Variants in NR4A1 observed in about 807,000 individuals in gnomAD.
NR4A1 encodes nuclear receptor subfamily 4immunitygroup A member 1.
NR4A1 carries 24 observed loss-of-function variants against 47.5 expected under a neutral mutation model. That is an observed-to-expected ratio of 0.50 (90% CI 0.37 to 0.71). NR4A1 has a LOEUF of 0.71. NR4A1 is among the 30% of genes least tolerant of loss of function. The probability of loss-of-function intolerance (pLI) is 0.00; values close to 1 mark genes in which losing one functional copy is unlikely to be tolerated. For synonymous variants in NR4A1, 353 were observed against 345.7 expected (o/e 1.02, Z -0.24); for missense variants, 669 against 788.6 (o/e 0.85, Z 1.82).
chr12:52,036,357 T>A (rs1938235858), intron 1 of NR4A1, among the ~76,000 whole-genome samples: 1 of 152,048 alleles, frequency 6.6e-6, no homozygotes, highest in Non-Finnish European at 1.5e-5. Flanking sequence ...GTCACGGTGG[T>A]GGGCCTCTGA....
chr12:52,036,506 C>T (rs7139320), intron 1 of NR4A1, among the ~76,000 whole-genome samples: 21,650 of 152,214 alleles, frequency 0.14, 1,978 homozygotes, highest in African/African-American at 0.26. Flanking sequence ...GTTTTAGAGA[C>T]GAGGAAGCTG....
upstream of NR4A1, among the ~76,000 whole-genome samples, chr12:52,046,725 T>G (rs1938658612): frequency 1.3e-5 from 2 of 152,240 alleles, no homozygotes; most frequent in East Asian, 3.8e-4. Flanking sequence ...GACTCACGCC[T>G]GTAATCCCAG....
chr12:52,054,811 C>A lies in NR4A1; in HGVS notation c.483C>A (p.Phe161Leu), dbSNP rs775895244. Residue 161 changes from phenylalanine (F) to leucine (L), a missense_variant, in exon 2 of 7, where the codon TTC becomes TTA. Phe to Leu is a conservative substitution (Grantham distance 22). Coordinates refer to ENST00000394825, the MANE Select transcript of NR4A1 (RefSeq NM_173157.3). ...CCTGGGATGGCTCCTTCGGCCACTT[C>A]TCGCCCAGCCAGACTTACGAAGGCC... ...LSPWDGSFGH[F>L]SPSQTYEGLR... 1 of 1,613,504 alleles carries A rather than the reference C, an allele frequency of 6.2e-7. No homozygotes were observed. The highest frequency in any genetic ancestry group is 8.5e-7 in the Non-Finnish European group (1 of 1,179,972).
intron 1 of NR4A1, among the ~76,000 whole-genome samples, chr12:52,034,378 T>C (rs2120934634): frequency 6.6e-6 from 1 of 152,322 alleles, no homozygotes; most frequent in African/African-American, 2.4e-5. Flanking sequence ...CAGCTTTCTG[T>C]GTAGGAGCTT....
intron 1 of NR4A1, 55 bp from the exon 2 acceptor site, chr12:52,054,272 A>G: frequency 1.4e-6 from 2 of 1,463,634 alleles, no homozygotes; most frequent in East Asian, 2.3e-5. Context: ...AGACAAGGCT[A>G]TAGGCTTGTC....
intron 6 of NR4A1, chr12:52,058,485 C>T (rs767729376): frequency 1.5e-6 from 1 of 654,052 alleles, no homozygotes; most frequent in Non-Finnish European, 2.5e-6. Flanking sequence ...CGGGTTCTCA[C>T]TTGGAGTATG....
At chr12:52,048,487 G>C (rs1285427702), upstream of NR4A1, among the ~76,000 whole-genome samples, 2 of 151,148 alleles carry the variant, frequency 1.3e-5, no homozygotes, top group Non-Finnish European at 3.0e-5. Context: ...CCAGTGACTC[G>C]GGAGGCTGAG....
intron 1 of NR4A1, among the ~76,000 whole-genome samples, chr12:52,025,799 T>C (rs1592278852): frequency 6.6e-6 from 1 of 152,166 alleles, no homozygotes; most frequent in African/African-American, 2.4e-5. Flanking sequence ...CCTTCCTCCC[T>C]TATAAGAGGT....
chr12:52,056,740 A>G, intron 4 of NR4A1, 95 bp downstream of exon 4: 1 of 1,264,502 alleles, frequency 7.9e-7, no homozygotes, highest in Non-Finnish European at 1.1e-6. Flanking sequence ...GGAAGGACTG[A>G]ATGAGAAAGG....
Position 52,055,210 on chromosome 12 carries a change from G to A in NR4A1, c.876+6G>A, listed in dbSNP as rs758917672. 91 of 1,610,900 alleles carry A rather than the reference G, an allele frequency of 5.6e-5. No homozygotes were observed. The highest frequency in any genetic ancestry group is 7.0e-5 in the Non-Finnish European group (83 of 1,179,996). ...GCTGCAAGGGCTTCTTCAAGGTACC[G>A]CGCAGCCCCAGGTGGGGCCTTTTGT... On this transcript the variant is annotated splice_donor_region_variant and intron_variant, in intron 2 of 6. Transcript: ENST00000394825.
upstream of NR4A1, among the ~76,000 whole-genome samples, chr12:52,047,920 C>T (rs556161702): frequency 7.9e-5 from 12 of 152,276 alleles, no homozygotes; most frequent in South Asian, 2.5e-3. Flanking sequence ...TTTGGGAGGC[C>T]AAGGCGGGTG....
chr12:52,032,787 A>G (rs567859562), intron 1 of NR4A1, among the ~76,000 whole-genome samples: 1 of 152,314 alleles, frequency 6.6e-6, no homozygotes, highest in South Asian at 2.1e-4. Flanking sequence ...ATCTCCAAGC[A>G]GCGAGGTGTA....
chr12:52,037,608 T>G (rs912405608), intron 1 of NR4A1: 2 of 984,696 alleles, frequency 2.0e-6, no homozygotes, highest in African/African-American at 3.5e-5. Context: ...TGGCTCCGAG[T>G]CAGCCCCCAA....
upstream of NR4A1, among the ~76,000 whole-genome samples, chr12:52,047,981 C>T (rs974876082): frequency 4.6e-5 from 7 of 151,612 alleles, no homozygotes; most frequent in Non-Finnish European, 8.8e-5. Context: ...GGTGAAACCC[C>T]GTCTCTACTA....
chr12:52,049,991 G>A (rs957730902), upstream of NR4A1, among the ~76,000 whole-genome samples: 1 of 152,188 alleles, frequency 6.6e-6, no homozygotes, highest in Non-Finnish European at 1.5e-5. Context: ...GGGTGGGTGG[G>A]TGCAGGCTCA....
intron 1 of NR4A1, among the ~76,000 whole-genome samples, chr12:52,039,594 C>T (rs1938362905): frequency 6.6e-6 from 1 of 152,236 alleles, no homozygotes; most frequent in East Asian, 1.9e-4. Context: ...CCTCCCAGCA[C>T]AGCTCCAATG....
At chr12:52,024,362 C>CTGT (rs373677616) in intron 1 of NR4A1, among the ~76,000 whole-genome samples, 1 of 152,198 alleles carries the variant, frequency 6.6e-6, no homozygotes, top group African/African-American at 2.4e-5. Flanking sequence ...TCTCTACGTG[C>CTGT]TGTTCTGTGC....
chr12:52,026,856 C>T (rs555011782), intron 1 of NR4A1, among the ~76,000 whole-genome samples: 32 of 152,082 alleles, frequency 2.1e-4, no homozygotes, highest in Non-Finnish European at 3.2e-4. Context: ...CAGGTTCTCT[C>T]GGAGGGCAGC....
upstream of NR4A1, among the ~76,000 whole-genome samples, chr12:52,050,278 AGCTGCCTCCCCACAGGT>A (rs1938857702): frequency 6.6e-6 from 1 of 152,110 alleles, no homozygotes. Context: ...AACTGGTCAG[AGCTGCCTCCCCACAGGT>A]GCTGGAGGTA....
Sources: gnomAD v4.1 joint callset for allele counts (sites outside exome capture counted in the v4.1 genomes callset) on GRCh38, gnomAD v4.1.1 for gene constraint, MANE v1.5 for transcripts, NCBI Gene and HGNC (gene_info 2026-07-23, HGNC 2026-07-21) for gene names.